RBM14: variants seen among roughly 807,000 people sequenced by gnomAD.
RBM14 encodes RNA binding motif protein 14.
A neutral mutation model predicts 52.8 loss-of-function variants in RBM14; 5 were observed. The observed-to-expected ratio is 0.09, with a 90% CI of 0.05 to 0.20. RBM14 has a LOEUF of 0.20. RBM14 is among the 10% of genes least tolerant of loss of function. RBM14 has a pLI of 1.00. For synonymous variants in RBM14, 411 were observed against 401.8 expected (o/e 1.02, Z -0.28); for missense variants, 780 against 926.6 (o/e 0.84, Z 2.05).
Position 66,625,568 on chromosome 11 carries a change from G to T in RBM14, c.1692G>T (p.Gly564=), listed in dbSNP as rs746402792. ...CAGCCTACCTGTCCATGTCCCAGGG[G>T]GCCGTTGCCAACGCCAACAGCACCC... ...PSAAYLSMSQ[G]AVANANSTPP... The change falls in exon 2 of 3, where the codon GGG becomes GGT. Residue 564 remains glycine (G), a synonymous_variant. Coordinates refer to ENST00000310137, the MANE Select transcript of RBM14 (RefSeq NM_006328.4). The surrounding 1 kb of genome is among the most constrained non-coding windows in gnomAD (Gnocchi z 4.2). 1.9e-6 allele frequency: 3 copies of T among 1,612,218 alleles called. No homozygotes were observed. The highest frequency in any genetic ancestry group is 1.1e-5 in the South Asian group (1 of 91,030).
At position 66,621,220 on chromosome 11, in the gene RBM14, T is replaced by G. The variant is rs1224121564; in HGVS notation, c.338-2994T>G. On this transcript the variant is annotated intron_variant, in intron 1 of 2. Coordinates refer to ENST00000310137, the MANE Select transcript of RBM14 (RefSeq NM_006328.4). The stretch of plus-strand genomic sequence containing the variant: ...TAGGCCACATGCTGGTTTTTTGTGT[T>G]TTTTTTTTAAGCTTACTCTATTCAA... Among the ~76,000 whole-genome samples, 5 of 150,764 alleles carry G rather than the reference T, an allele frequency of 3.3e-5. No homozygotes were observed. In the East Asian group the frequency reaches 9.7e-4, roughly 29 times the overall value.
chr11:66,620,787 C>T (rs531494648), intron 1 of RBM14: 11 of 152,172 alleles, frequency 7.2e-5, no homozygotes, highest in African/African-American at 2.4e-4. Context: ...ATTCTAGTGT[C>T]AGGAAGTTGT....
Position 66,625,299 on chromosome 11 carries a change from G to C in RBM14, c.1423G>C (p.Gly475Arg). The change falls in exon 2 of 3, where the codon GGG becomes CGG. Residue 475 changes from glycine to arginine, a missense_variant. Coordinates refer to ENST00000310137, the MANE Select transcript of RBM14 (RefSeq NM_006328.4). The surrounding 1 kb of genome is among the most constrained non-coding windows in gnomAD (Gnocchi z 4.2). ...TGTGCAGACCCAGCTGAATAGTTAC[G>C]GGGCCCAAGCATCAATGGGCCTTTC... ...PVVQTQLNSYGAQASMGLSGS... is the reference protein window; with the variant it reads ...PVVQTQLNSYRAQASMGLSGS... 6.2e-7 allele frequency: 1 copy of C among 1,612,444 alleles called. No homozygotes were observed. The highest frequency in any genetic ancestry group is 8.5e-7 in the Non-Finnish European group (1 of 1,179,442).
intron 1 of RBM14, among the ~76,000 whole-genome samples, chr11:66,622,002 T>C (rs1341389732): frequency 6.6e-6 from 1 of 151,808 alleles, no homozygotes; most frequent in Non-Finnish European, 1.5e-5. Flanking sequence ...CTCCTTCTTT[T>C]TCTTCCGGGT....
intron 1 of RBM14, chr11:66,619,124 A>G: frequency 6.6e-6 from 1 of 152,454 alleles, no homozygotes; most frequent in East Asian, 1.9e-4. Context: ...GTGATGACGG[A>G]AAGTGAGGGT....
chr11:66,621,245 A>G (rs1411071709), intron 1 of RBM14, among the ~76,000 whole-genome samples: 1 of 151,798 alleles, frequency 6.6e-6, no homozygotes, highest in Non-Finnish European at 1.5e-5. Flanking sequence ...ACTCTATTCA[A>G]AGTGGAGATG....
rs1937689892 is a variant in RBM14, at chr11:66,624,431, C to T, written c.555C>T (p.Phe185=). Residue 185 remains phenylalanine, a synonymous_variant, in exon 2 of 3, where the codon TTC becomes TTT. Transcript: ENST00000310137. This position sits in a 1 kb window ranked among gnomAD's most constrained non-coding sequence, Gnocchi z 4.7. ...FPGTGGFSAT[F]DYQQAFGNST... The stretch of plus-strand genomic sequence containing the variant: ...GAACTGGTGGCTTCTCTGCCACCTT[C>T]GACTACCAGCAGGCTTTTGGCAACA... The T allele has an allele frequency of 1.2e-6, 2 of 1,614,100 alleles. No homozygotes were observed. The highest frequency in any genetic ancestry group is 1.7e-6 in the Non-Finnish European group (2 of 1,179,970).
chr11:66,623,814 GT>G (rs2135018678), intron 1 of RBM14: 1 of 707,452 alleles, frequency 1.4e-6, no homozygotes, highest in South Asian at 1.5e-5. Context: ...CCTCAAAGGT[GT>G]TTGGTGAGTT....
At chr11:66,623,898 C>A (rs767913428) in intron 1 of RBM14, 8 of 717,664 alleles carry the variant, frequency 1.1e-5, no homozygotes, top group Admixed American at 2.0e-5. Flanking sequence ...TTTGTACTTA[C>A]AGGAGATGTG....
At position 66,627,935 on chromosome 11, in the gene RBM14, G is replaced by A. The variant is rs1937889624; in HGVS notation, c.*1267G>A. The stretch of plus-strand genomic sequence containing the variant: ...ATAGAGCTCGTATTTTGCCTGTTGA[G>A]CTGTACCATGGAGCATCCTCCTGTG... On this transcript the variant is annotated 3_prime_UTR_variant, in exon 3 of 3. Coordinates refer to ENST00000310137, the MANE Select transcript of RBM14 (RefSeq NM_006328.4). Among the ~76,000 whole-genome samples the A allele has an allele frequency of 6.6e-6, 1 of 152,130 alleles. No homozygotes were observed. The highest frequency in any genetic ancestry group is 2.4e-5 in the African/African-American group (1 of 41,432).
In RBM14 at chr11:66,624,914, C is replaced by G; in HGVS notation, c.1038C>G (p.Ser346=). Residue 346 remains serine, a synonymous_variant, in exon 2 of 3, where the codon TCC becomes TCG. Transcript: ENST00000310137. The surrounding 1 kb of genome is among the most constrained non-coding windows in gnomAD (Gnocchi z 4.7). ...TTGCCTCCTATGGTAACCAGCCATC[C>G]TCTTACGGCGCCCAGGCTGCCTCTT... ...SSLASYGNQP[S]SYGAQAASSY... is the part of the protein sequence containing the mutation. 2 of 1,613,836 alleles carry G rather than the reference C, an allele frequency of 1.2e-6. No homozygotes were observed. The highest frequency in any genetic ancestry group is 2.2e-5 in the South Asian group (2 of 91,076).
rs991792452 is a variant in RBM14, at chr11:66,627,957, T to G, written c.*1289T>G. On this transcript the variant is annotated 3_prime_UTR_variant, in exon 3 of 3. Transcript: ENST00000310137. ...TGAGCTGTACCATGGAGCATCCTCC[T>G]GTGTCCTGCCAACCCCTGCCATTAT... 6.6e-6 allele frequency among the ~76,000 whole-genome samples: 1 copy of G among 152,186 alleles called. No individual in the cohort carries two copies. Among genetic ancestry groups the G allele is most frequent in the African/African-American group, 2.4e-5 (1 of 41,446 alleles).
chr11:66,619,854 C>G (rs189332870), intron 1 of RBM14, among the ~76,000 whole-genome samples: 2 of 152,374 alleles, frequency 1.3e-5, no homozygotes, highest in Admixed American at 6.5e-5. Flanking sequence ...GCGCAAGCCA[C>G]CGCGCCTAGC....
chr11:66,618,139 A>G (rs576635847), intron 1 of RBM14, among the ~76,000 whole-genome samples: 93 of 152,098 alleles, frequency 6.1e-4, no homozygotes, highest in Non-Finnish European at 1.1e-3. Context: ...TACATTGGCA[A>G]GATTTGGTGG....
rs1733565222 is a variant in RBM14 at position 66,616,642 on chromosome 11, G to A, written c.-79G>A. The A allele has an allele frequency of 2.0e-6, 3 of 1,478,506 alleles. No homozygotes were observed. Among genetic ancestry groups the A allele is most frequent in the African/African-American group, 1.4e-5 (1 of 70,786 alleles). The allele number at this position is 1,478,506 out of a possible 1,614,324, so 91.6% of individuals were successfully genotyped here. On this transcript the variant is annotated 5_prime_UTR_variant, in exon 1 of 3. Transcript: ENST00000310137. ...TCGGTCGCCAGCCATTCCTGAGGAGGACTGCCGGTCGTTCGGACGTCTTGC... is the reference window on the plus strand; with the variant it reads ...TCGGTCGCCAGCCATTCCTGAGGAGAACTGCCGGTCGTTCGGACGTCTTGC...
chr11:66,625,146 T>G lies in RBM14; in HGVS notation c.1270T>G (p.Ser424Ala). 6.2e-7 allele frequency: 1 copy of G among 1,612,902 alleles called. No homozygotes were observed. Residue 424 changes from serine to alanine, a missense_variant, in exon 2 of 3, where the codon TCC (serine) becomes GCC (alanine). Physicochemically the swap from Ser to Ala is moderately conservative, Grantham distance 99. Around this residue, in one of 4 missense-constraint regions of RBM14, gnomAD observed 675 missense variants for 697.3 expected, o/e 0.97. Coordinates refer to ENST00000310137, the MANE Select transcript of RBM14 (RefSeq NM_006328.4). This position sits in a 1 kb window ranked among gnomAD's most constrained non-coding sequence, Gnocchi z 4.2. The part of the protein sequence containing the change: ...SAPYAAQQAA[S>A]YSSQPAAYVA... ...CCCATATGCTGCACAGCAGGCTGCT[T>G]CCTACTCTTCCCAACCTGCTGCCTA... is the stretch of plus-strand genomic sequence containing the variant.
intron 1 of RBM14, among the ~76,000 whole-genome samples, chr11:66,620,348 C>T (rs959703860): frequency 2.6e-5 from 4 of 151,826 alleles, no homozygotes; most frequent in African/African-American, 9.7e-5. Flanking sequence ...CATTCTGTTG[C>T]CCAGGCTGGA....
chr11:66,624,022 A>ATGAC lies in RBM14; in HGVS notation c.338-189_338-186dup, dbSNP rs1937666352. The ATGAC allele has an allele frequency of 3.1e-6, 3 of 966,368 alleles. No individual in the cohort carries two copies. The South Asian group carries it at 4.1e-5, about 13-fold the overall frequency. The allele number at this position is 966,368 out of a possible 1,614,324, so 59.9% of individuals were successfully genotyped here. A position where few individuals can be genotyped will look rare whatever the true frequency, so the allele number is the denominator to read the frequency against. Reference sequence around the variant, plus strand: ...AATGGGAAGAAGGCTGTAGGCAAAGATGACTGCTTGGGACAGTCAGAAGCT... The same window carrying ATGAC: ...AATGGGAAGAAGGCTGTAGGCAAAGATGACTGACTGCTTGGGACAGTCAGAAGCT... On this transcript the variant is annotated intron_variant, in intron 1 of 2. Coordinates refer to ENST00000310137, the MANE Select transcript of RBM14 (RefSeq NM_006328.4). The surrounding 1 kb of genome is among the most constrained non-coding windows in gnomAD (Gnocchi z 4.7).
At position 66,618,179 on chromosome 11, in the gene RBM14, G is replaced by A. The variant is rs983562376; in HGVS notation, c.337+1122G>A. On this transcript the variant is annotated intron_variant, in intron 1 of 2. Coordinates refer to ENST00000310137, the MANE Select transcript of RBM14 (RefSeq NM_006328.4). ...GCCGTTGTGTATGTGGCCAGTCTCT[G>A]CTCCACTTGGGAACAGATCAGAGTT... Among the ~76,000 whole-genome samples, 6 of 152,288 alleles carry A rather than the reference G, an allele frequency of 3.9e-5. No individual in the cohort carries two copies. In the South Asian group the frequency reaches 1.0e-3, roughly 26 times the overall value.
Sources: allele counts gnomAD v4.1 joint callset (sites outside exome capture counted in the v4.1 genomes callset), GRCh38; gene constraint gnomAD v4.1.1; regional missense constraint gnomAD v4.1.1; non-coding constraint Gnocchi (gnomAD v3.1); transcripts MANE v1.5; gene names NCBI Gene and HGNC (gene_info 2026-07-23, HGNC 2026-07-21).